Variants in ZNF91 observed in about 807,000 individuals in gnomAD.
The protein encoded by ZNF91 is zinc finger protein 91 (HPF7, HTF10).
A neutral mutation model predicts 12.6 loss-of-function variants in ZNF91; 7 were observed. That is an observed-to-expected ratio of 0.55 (90% CI 0.31 to 1.04). The LOEUF (loss-of-function observed/expected upper bound fraction) is 1.04. Among genes scored for constraint, ZNF91 ranks in the 50% least tolerant of loss-of-function variants. ZNF91 has a pLI of 0.05. For synonymous variants in ZNF91, 453 were observed against 462.6 expected (o/e 0.98, Z 0.27); for missense variants, 1,217 against 1,385.4 (o/e 0.88, Z 1.93).
intron 1 of ZNF91, among the ~76,000 whole-genome samples, chr19:23,378,094 G>GT (rs1219861485): frequency 1.3e-5 from 2 of 152,164 alleles, no homozygotes; most frequent in South Asian, 4.1e-4. Flanking sequence ...ATCAACTACT[G>GT]TATCTGCAGG....
chr19:23,368,187 C>T (rs558882437), intron 3 of ZNF91, among the ~76,000 whole-genome samples: 1 of 151,978 alleles, frequency 6.6e-6, no homozygotes, highest in Non-Finnish European at 1.5e-5. Context: ...GGCGACGAGG[C>T]CCAGCCGCAT....
intron 1 of ZNF91, among the ~76,000 whole-genome samples, chr19:23,385,852 C>G (rs1969850911): frequency 6.6e-6 from 1 of 151,968 alleles, no homozygotes; most frequent in Non-Finnish European, 1.5e-5. Context: ...TATATTATAT[C>G]TACATTGCAA....
intron 1 of ZNF91, among the ~76,000 whole-genome samples, chr19:23,317,051 CTTTTT>C (rs1006599973): frequency 6.9e-6 from 1 of 145,364 alleles, no homozygotes; most frequent in Non-Finnish European, 1.5e-5. Context: ...CTTTTCTTTT[CTTTTT>C]TTTTTTTGAG....
intron 1 of ZNF91, among the ~76,000 whole-genome samples, chr19:23,329,942 G>C (rs1967898159): frequency 6.6e-6 from 1 of 152,110 alleles, no homozygotes; most frequent in African/African-American, 2.4e-5. Flanking sequence ...TAAGATTTCT[G>C]CTCCTGAGAA....
chr19:23,328,834 C>G (rs1035660623), intron 1 of ZNF91: 1 of 152,252 alleles, frequency 6.6e-6, no homozygotes, highest in African/African-American at 2.4e-5. Context: ...GGATAGATAA[C>G]TTCCTGATCT....
intron 3 of ZNF91, among the ~76,000 whole-genome samples, chr19:23,305,293 G>A (rs1967383383): frequency 6.6e-6 from 1 of 152,140 alleles, no homozygotes; most frequent in Non-Finnish European, 1.5e-5. Flanking sequence ...AGGTAAGTCA[G>A]AGATCATTTC....
chr19:23,366,096 C>T (rs184073340), intron 3 of ZNF91, among the ~76,000 whole-genome samples: 1,790 of 152,330 alleles, frequency 0.012, 37 homozygotes, highest in African/African-American at 0.04. Context: ...ACCTCCCAGA[C>T]GGGGTGGTGG....
intron 1 of ZNF91, chr19:23,328,383 T>C (rs1163674517): frequency 2.0e-5 from 3 of 152,100 alleles, no homozygotes; most frequent in African/African-American, 4.8e-5. Flanking sequence ...GGATGTGTGA[T>C]AGAAGGAAAA....
At chr19:23,372,555 T>C (rs1419534727) in intron 3 of ZNF91, among the ~76,000 whole-genome samples, 7 of 152,326 alleles carry the variant, frequency 4.6e-5, no homozygotes, top group African/African-American at 1.7e-4. Context: ...AGGACTACTG[T>C]TTTTGGCTAC....
upstream of ZNF91, among the ~76,000 whole-genome samples, chr19:23,312,562 T>C (rs1255198840): frequency 9.9e-5 from 15 of 152,204 alleles, no homozygotes; most frequent in Admixed American, 5.2e-4. Flanking sequence ...CTGAATCTTA[T>C]AGGTGGACAC....
chr19:23,305,736 A>C (rs1012620742), intron 3 of ZNF91, among the ~76,000 whole-genome samples: 1 of 152,222 alleles, frequency 6.6e-6, no homozygotes, highest in African/African-American at 2.4e-5. Context: ...CTAAATTTCA[A>C]CTGTAGATTA....
intron 3 of ZNF91, among the ~76,000 whole-genome samples, chr19:23,347,020 A>G (rs540158161): frequency 1.2e-4 from 18 of 152,154 alleles, no homozygotes; most frequent in Admixed American, 8.5e-4. Flanking sequence ...AACCTAACAG[A>G]CCAACCCCTT....
At chr19:23,386,840 A>G (rs1444258186) in intron 1 of ZNF91, among the ~76,000 whole-genome samples, 1 of 152,170 alleles carries the variant, frequency 6.6e-6, no homozygotes, top group Non-Finnish European at 1.5e-5. Flanking sequence ...TCCTTCAAAG[A>G]AAAGGAAACT....
intron 1 of ZNF91, among the ~76,000 whole-genome samples, chr19:23,381,790 T>G (rs1339217673): frequency 6.6e-6 from 1 of 152,170 alleles, no homozygotes; most frequent in Admixed American, 6.5e-5. Context: ...TTTTGTAGTA[T>G]AAATACTTTA....
chr19:23,359,107 T>C lies in ZNF91; in HGVS notation c.*296A>G. 1.8e-6 allele frequency: 1 copy of C among 560,896 alleles called. No homozygotes were observed. Among genetic ancestry groups the C allele is most frequent in the Non-Finnish European group, 3.4e-6 (1 of 293,686 alleles). 34.7% of individuals were successfully genotyped at this position (560,896 alleles called of 1,614,324 possible). On this transcript the variant is annotated 3_prime_UTR_variant, in exon 4 of 4. Coordinates refer to ENST00000300619, the MANE Select transcript of ZNF91 (RefSeq NM_003430.4). ...CCAGAAAAAGGATTTGCCACATTCT[T>C]CACATTTGTAGAGTTTTACTCCAGT... is the stretch of plus-strand genomic sequence containing the variant.
At chr19:23,334,536 C>T (rs1368070917), downstream of ZNF91, among the ~76,000 whole-genome samples, 4 of 152,156 alleles carry the variant, frequency 2.6e-5, no homozygotes, top group Admixed American at 2.6e-4. Context: ...GGCTGCCTTC[C>T]TATACATGGT....
intron 3 of ZNF91, among the ~76,000 whole-genome samples, chr19:23,344,871 C>A (rs182241128): frequency 1.1e-3 from 163 of 152,292 alleles, no homozygotes; most frequent in Middle Eastern, 3.4e-3. Context: ...AAGACACATA[C>A]CCCCTGAAGA....
rs146441152 is a variant in ZNF91 at position 23,390,337 on chromosome 19, C to T, written c.30+4988G>A. Reference sequence around the variant, plus strand: ...GTCTCAGAAAAGAAAAAGGTACAACCCCAACAAAGTCATGTGAAAAAAATG... The same window carrying T: ...GTCTCAGAAAAGAAAAAGGTACAACTCCAACAAAGTCATGTGAAAAAAATG... On this transcript the variant is annotated intron_variant, in intron 1 of 3. Transcript: ENST00000300619. 1.6e-3 allele frequency among the ~76,000 whole-genome samples: 243 copies of T among 152,034 alleles called. 2 individuals are homozygous for T. Among genetic ancestry groups the T allele is most frequent in the African/African-American group, 5.7e-3 (236 of 41,462 alleles).
Position 23,359,790 on chromosome 19 carries a change from T to G in ZNF91, c.3189A>C (p.Ser1063=). The G allele has an allele frequency of 6.2e-7, 1 of 1,614,042 alleles. No individual in the cohort carries two copies. Among genetic ancestry groups the G allele is most frequent in the Non-Finnish European group, 8.5e-7 (1 of 1,180,016 alleles). The change falls in exon 4 of 4, where the codon TCA becomes TCC. Residue 1063 remains serine (S), a synonymous_variant. Coordinates refer to ENST00000300619, the MANE Select transcript of ZNF91 (RefSeq NM_003430.4). ...GAATTCTCTTATGTCCATTTAGGGT[T>G]GAGGATGATATAAATGCTTTGCCAC... ...EECGKAFISS[S]TLNGHKRIHT...
Sources: allele counts gnomAD v4.1 joint callset (sites outside exome capture counted in the v4.1 genomes callset), GRCh38; gene constraint gnomAD v4.1.1; transcripts MANE v1.5; gene names NCBI Gene and HGNC (gene_info 2026-07-23, HGNC 2026-07-21).